The following LIPC variants were observed in gnomAD, a reference collection of about 807,000 sequenced individuals.
The protein encoded by LIPC is lipase C, hepatic type.
Under a neutral mutation model 50.7 loss-of-function variants are expected in LIPC, and 44 were observed. That is an observed-to-expected ratio of 0.87 (90% CI 0.68 to 1.11). The LOEUF is 1.11. LIPC is among the 50% of genes most tolerant of loss of function. LIPC has a pLI of 0.00. For missense variants in LIPC, 697 were observed against 648.2 expected, an observed-to-expected ratio of 1.08 and a Z score of -0.82; for synonymous variants, 271 against 256.4, an observed-to-expected ratio of 1.06 and a Z score of -0.54.
At chr15:58,489,199 T>G (rs1409274265) in intron 1 of LIPC, among the ~76,000 whole-genome samples, 1 of 80,756 alleles carries the variant, frequency 1.2e-5, no homozygotes, top group African/African-American at 6.1e-5. Flanking sequence ...ATTCAACCAT[T>G]AGGGATTCAT....
chr15:58,514,827 A>C (rs1465776369), intron 1 of LIPC, among the ~76,000 whole-genome samples: 2 of 152,366 alleles, frequency 1.3e-5, no homozygotes, highest in African/African-American at 2.4e-5. Context: ...CCATCTCAAA[A>C]AAAGTTAATG....
intron 6 of LIPC, among the ~76,000 whole-genome samples, chr15:58,550,785 G>A (rs796749738): frequency 3.3e-5 from 5 of 150,256 alleles, no homozygotes; most frequent in East Asian, 3.9e-4. Flanking sequence ...TTCCAGTGCC[G>A]AGCTGTGGCT....
chr15:58,435,875 C>T (rs1450822067), intron 1 of LIPC: 1 of 152,192 alleles, frequency 6.6e-6, no homozygotes, highest in African/African-American at 2.4e-5. Flanking sequence ...GGCGCCGTCG[C>T]ACTCCATCCT....
intron 8 of LIPC, among the ~76,000 whole-genome samples, chr15:58,564,503 G>T (rs758575444): frequency 3.3e-5 from 5 of 151,544 alleles, no homozygotes; most frequent in African/African-American, 9.7e-5. Flanking sequence ...CTTGGCGGGC[G>T]GATCACCTGA....
chr15:58,446,248 C>T (rs1595853993), intron 1 of LIPC, among the ~76,000 whole-genome samples: 1 of 152,106 alleles, frequency 6.6e-6, no homozygotes, highest in Non-Finnish European at 1.5e-5. Context: ...GTCACCCACG[C>T]TGGAGTGCAG....
intron 1 of LIPC, among the ~76,000 whole-genome samples, chr15:58,507,870 G>C (rs776569922): frequency 6.6e-6 from 1 of 152,206 alleles, no homozygotes; most frequent in East Asian, 1.9e-4. Context: ...GGGAAATGTG[G>C]CAATTTGAGG....
chr15:58,541,281 C>A (rs185965793), intron 2 of LIPC, among the ~76,000 whole-genome samples: 1 of 152,080 alleles, frequency 6.6e-6, no homozygotes, highest in African/African-American at 2.4e-5. Context: ...GTGCCCATCC[C>A]GCTAAGTCCA....
At chr15:58,466,287 T>C (rs999921565) in intron 1 of LIPC, among the ~76,000 whole-genome samples, 35 of 152,022 alleles carry the variant, frequency 2.3e-4, no homozygotes, top group African/African-American at 7.3e-4. Context: ...TCATAGAGAG[T>C]GATTAGAAGT....
chr15:58,515,667 C>CA (rs1892463963), intron 1 of LIPC, among the ~76,000 whole-genome samples: 2 of 151,858 alleles, frequency 1.3e-5, no homozygotes, highest in African/African-American at 4.8e-5. Context: ...ATCCCAGTGT[C>CA]AAATAGGGAG....
chr15:58,517,217 A>G (rs1892511073), intron 1 of LIPC, among the ~76,000 whole-genome samples: 1 of 152,244 alleles, frequency 6.6e-6, no homozygotes, highest in Admixed American at 6.5e-5. Context: ...TCACAAGGCA[A>G]AGATCCCCAA....
chr15:58,437,627 C>T (rs557963606), intron 1 of LIPC, among the ~76,000 whole-genome samples: 9 of 152,180 alleles, frequency 5.9e-5, no homozygotes, highest in East Asian at 3.9e-4. Context: ...ACTGTCCTTC[C>T]GACCTGCCAC....
At chr15:58,465,904 C>A (rs1234978407) in intron 1 of LIPC, among the ~76,000 whole-genome samples, 1 of 152,180 alleles carries the variant, frequency 6.6e-6, no homozygotes, top group African/African-American at 2.4e-5. Context: ...TCTACCGTTT[C>A]TAATTAATAC....
chr15:58,494,473 A>C (rs1420101905), intron 1 of LIPC, among the ~76,000 whole-genome samples: 1 of 152,208 alleles, frequency 6.6e-6, no homozygotes, highest in Non-Finnish European at 1.5e-5. Context: ...ACTTACAGAA[A>C]ATGAGAATAA....
chr15:58,568,797 G>A lies in LIPC; in HGVS notation c.1470G>A (p.Lys490=). 1.9e-6 allele frequency: 3 copies of A among 1,606,942 alleles called. No homozygotes were observed. The highest frequency in any genetic ancestry group is 2.6e-6 in the Non-Finnish European group (3 of 1,174,470). ...AAATCTTCGTGAAATGTGAAATAAA[G>A]TCTAAAACATCAAAGCGAAAGATCA... ...QEKIFVKCEI[K]SKTSKRKIR is the part of the protein sequence containing the mutation. Residue 490 remains lysine, a synonymous_variant, in exon 9 of 9, where the codon AAG becomes AAA. Transcript: ENST00000299022.
chr15:58,443,919 G>A (rs1893594259), intron 1 of LIPC, among the ~76,000 whole-genome samples: 3 of 152,206 alleles, frequency 2.0e-5, no homozygotes, highest in South Asian at 2.1e-4. Flanking sequence ...CTTCTTCAGG[G>A]TGGGGGAGAT....
At chr15:58,557,362 T>C (rs1459554596) in intron 6 of LIPC, among the ~76,000 whole-genome samples, 2 of 147,300 alleles carry the variant, frequency 1.4e-5, no homozygotes, top group African/African-American at 5.0e-5. Context: ...TTATCATGCA[T>C]ACTGCCATTA....
intron 1 of LIPC, among the ~76,000 whole-genome samples, chr15:58,516,368 C>G (rs1362850009): frequency 1.4e-5 from 2 of 147,038 alleles, no homozygotes; most frequent in Non-Finnish European, 3.0e-5. Context: ...GTATTTAGTG[C>G]TTTCATCAAA....
chr15:58,447,752 A>T (rs991721597), intron 1 of LIPC, among the ~76,000 whole-genome samples: 2 of 152,162 alleles, frequency 1.3e-5, no homozygotes, highest in Admixed American at 1.3e-4. Context: ...AATTCCTAAC[A>T]GTTGGTCTGG....
chr15:58,465,571 A>G (rs6494008), intron 1 of LIPC, among the ~76,000 whole-genome samples: 152,244 of 152,244 alleles, frequency 1, 76,122 homozygotes, highest in Non-Finnish European at 1. Context: ...GGCAGAGGTG[A>G]GGTGTAGATT....
Sources: gnomAD v4.1 joint callset for allele counts (sites outside exome capture counted in the v4.1 genomes callset) on GRCh38, gnomAD v4.1.1 for gene constraint, MANE v1.5 for transcripts, NCBI Gene and HGNC (gene_info 2026-07-23, HGNC 2026-07-21) for gene names.